PREX1: variants seen among roughly 807,000 people sequenced by gnomAD.
PREX1 encodes phosphatidylinositol-3,4,5-trisphosphate dependent Rac exchange factor 1, also known as phosphatidylinositol 3,4,5-trisphosphate-dependent Rac exchanger 1 protein.
A neutral mutation model predicts 198.3 loss-of-function variants in PREX1; 41 were observed. The observed-to-expected ratio is 0.21, with a 90% confidence interval of 0.16 to 0.27. PREX1 has a LOEUF of 0.27. PREX1 is among the 10% of genes least tolerant of loss of function. The pLI is 1.00. For synonymous variants in PREX1, 843 were observed against 887.2 expected (o/e 0.95, Z 0.89); for missense variants, 1,620 against 2,200.7 (o/e 0.74, Z 5.28).
intron 36 of PREX1, 80 bp from the exon 37 acceptor site, chr20:48,629,701 C>T: frequency 1.4e-6 from 2 of 1,450,148 alleles, no homozygotes; most frequent in South Asian, 1.2e-5. Flanking sequence ...CCTCCTCCCC[C>T]ACCATATCCT....
the PREX1 span, among the ~76,000 whole-genome samples, chr20:48,833,939 C>T: frequency 8.6e-5 from 13 of 152,038 alleles, no homozygotes; most frequent in African/African-American, 3.1e-4. Context: ...AAATATTAGC[C>T]GGTCCTGGTG....
At chr20:48,629,747 C>T in intron 36 of PREX1, 126 bp from the exon 37 acceptor site, 1 of 1,046,872 alleles carries the variant, frequency 9.6e-7, no homozygotes, top group Non-Finnish European at 1.4e-6. Context: ...CCTCCCAGCT[C>T]ACCCCTCTGG....
intron 5 of PREX1, among the ~76,000 whole-genome samples, chr20:48,714,108 T>A (rs1444829610): frequency 6.6e-6 from 1 of 152,146 alleles, no homozygotes; most frequent in Non-Finnish European, 1.5e-5. Flanking sequence ...CAGACCTAAA[T>A]GTAAGAACTA....
intron 1 of PREX1, among the ~76,000 whole-genome samples, chr20:48,760,317 T>G (rs2090173627): frequency 6.6e-6 from 1 of 152,008 alleles, no homozygotes; most frequent in South Asian, 2.1e-4. Context: ...TTTTTATTAG[T>G]TTTTTCCATC....
chr20:48,696,306 T>C (rs1318182637), intron 7 of PREX1, among the ~76,000 whole-genome samples: 1 of 152,236 alleles, frequency 6.6e-6, no homozygotes, highest in East Asian at 1.9e-4. Context: ...GAATCACTTT[T>C]TCCCCCACTG....
intron 7 of PREX1, among the ~76,000 whole-genome samples, chr20:48,698,377 C>G (rs1299275759): frequency 6.6e-6 from 1 of 152,190 alleles, no homozygotes; most frequent in Non-Finnish European, 1.5e-5. Context: ...TTCTGTTTTC[C>G]AAACCCCAGT....
intron 3 of PREX1, among the ~76,000 whole-genome samples, chr20:48,744,318 C>T (rs1373643655): frequency 6.6e-6 from 1 of 152,144 alleles, no homozygotes; most frequent in African/African-American, 2.4e-5. Flanking sequence ...GTCTGGCCAT[C>T]AACCTTAGGA....
At chr20:48,811,919 A>G (rs1288075407) in intron 1 of PREX1, among the ~76,000 whole-genome samples, 1 of 152,200 alleles carries the variant, frequency 6.6e-6, no homozygotes, top group Non-Finnish European at 1.5e-5. Context: ...GAGTCAGAAA[A>G]CCTGGGTTTC....
At chr20:48,639,990 G>T in intron 29 of PREX1, 96 bp from the exon 30 acceptor site, 1 of 1,462,502 alleles carries the variant, frequency 6.8e-7, no homozygotes, top group Non-Finnish European at 9.4e-7. Context: ...AGATCCCAGA[G>T]CTCATAATCC....
In PREX1 at chr20:48,771,434, C is replaced by T. The variant is rs112166555; in HGVS notation, c.220-23554G>A. On this transcript the variant is annotated intron_variant, in intron 1 of 39. Transcript: ENST00000371941. Reference sequence around the variant, plus strand: ...CTTGTTGTCTCCGCTAAGTGTTTTGCCAAAGGGTTTGCACCAATTTATTGC... The same window carrying T: ...CTTGTTGTCTCCGCTAAGTGTTTTGTCAAAGGGTTTGCACCAATTTATTGC... Among the ~76,000 whole-genome samples the T allele has an allele frequency of 4.3e-3, 655 of 151,982 alleles. 9 individuals carry two copies. Among genetic ancestry groups the T allele is most frequent in the African/African-American group, 0.014 (583 of 41,434 alleles).
At chr20:48,809,364 G>A (rs1008693431) in intron 1 of PREX1, among the ~76,000 whole-genome samples, 2 of 152,150 alleles carry the variant, frequency 1.3e-5, no homozygotes, top group African/African-American at 4.8e-5. Flanking sequence ...GCTCCCACCT[G>A]GCATCCCTCC....
intron 13 of PREX1, among the ~76,000 whole-genome samples, chr20:48,677,421 C>T (rs535287347): frequency 3.9e-5 from 6 of 152,184 alleles, no homozygotes; most frequent in Non-Finnish European, 8.8e-5. Context: ...AATCAGGTCA[C>T]CCTCTCTCCC....
intron 1 of PREX1, 35 bp from the exon 2 acceptor site, chr20:48,747,915 C>T (rs140209816): frequency 0.013 from 19,990 of 1,574,102 alleles, 206 homozygotes; most frequent in Middle Eastern, 0.046. Flanking sequence ...TGAGTGTCCG[C>T]GTCTCCAGCT....
intron 27 of PREX1, 84 bp from the exon 28 acceptor site, chr20:48,642,573 A>G: frequency 8.0e-7 from 1 of 1,246,476 alleles, no homozygotes; most frequent in Non-Finnish European, 1.1e-6. Context: ...AGGGGGATAC[A>G]GCTACAGAAC....
intron 1 of PREX1, among the ~76,000 whole-genome samples, chr20:48,821,056 G>T (rs146113151): frequency 2.0e-5 from 3 of 152,298 alleles, no homozygotes; most frequent in African/African-American, 7.2e-5. Flanking sequence ...ACAAAAAGTA[G>T]CCGGGCATGG....
chr20:48,749,128 A>C (rs1321345414), intron 1 of PREX1, among the ~76,000 whole-genome samples: 1 of 152,094 alleles, frequency 6.6e-6, no homozygotes, highest in South Asian at 2.1e-4. Flanking sequence ...CAGAGTCAGC[A>C]CCTAAGGGAG....
intron 1 of PREX1, among the ~76,000 whole-genome samples, chr20:48,769,720 C>T (rs1034411274): frequency 6.6e-6 from 1 of 152,208 alleles, no homozygotes; most frequent in Non-Finnish European, 1.5e-5. Context: ...TCACTCTGCT[C>T]CTTCAGGTCT....
chr20:48,807,663 A>AT (rs5841736), intron 1 of PREX1, among the ~76,000 whole-genome samples: 27,487 of 151,886 alleles, frequency 0.18, 2,663 homozygotes, highest in Middle Eastern at 0.3. Context: ...CTGCCAATGT[A>AT]TTTTCCCCCA....
chr20:48,696,383 G>T (rs2089845604), intron 7 of PREX1, among the ~76,000 whole-genome samples: 1 of 152,138 alleles, frequency 6.6e-6, no homozygotes, highest in South Asian at 2.1e-4. Context: ...TCAAATGACT[G>T]CTTACATGTG....
Sources: gnomAD v4.1 joint callset for allele counts (sites outside exome capture counted in the v4.1 genomes callset) on GRCh38, gnomAD v4.1.1 for gene constraint, MANE v1.5 for transcripts, NCBI Gene and HGNC (gene_info 2026-07-23, HGNC 2026-07-21) for gene names.